Variants in VDR observed in about 807,000 individuals in gnomAD.
The protein encoded by VDR is vitamin D receptor.
VDR carries 19 observed loss-of-function variants against 39.7 expected under a neutral mutation model. The observed-to-expected ratio is 0.48, with a 90% CI of 0.33 to 0.70. The LOEUF is 0.70. Ranked by LOEUF, VDR falls within the 30% of genes least tolerant of loss-of-function variation. VDR has a pLI of 0.02. For missense variants in VDR, 442 were observed against 570.5 expected (o/e 0.77, Z 2.29); for synonymous variants, 242 against 215.8 (o/e 1.12, Z -1.07).
chr12:47,859,866 T>C (rs2283344), intron 4 of VDR, among the ~76,000 whole-genome samples: 1,367 of 50,420 alleles, frequency 0.027, 151 homozygotes, highest in South Asian at 0.069. Context: ...TCCTTCCTTC[T>C]TTCCTTCCTT....
chr12:47,854,190 T>C lies in VDR; in HGVS notation c.755+1440A>G, dbSNP rs891587164. Among the ~76,000 whole-genome samples the C allele has an allele frequency of 2.0e-5, 3 of 152,144 alleles. No individual in the cohort carries two copies. In the East Asian group the frequency reaches 5.8e-4, roughly 29 times the overall value. ...AGGCTGGAGTGCAGTGGTGAAATCATGGATCACTGTAGCCTTGACCTCCTG... is the reference window on the plus strand; with the variant it reads ...AGGCTGGAGTGCAGTGGTGAAATCACGGATCACTGTAGCCTTGACCTCCTG... On this transcript the variant is annotated intron_variant, in intron 7 of 9. Transcript: ENST00000549336.
At chr12:47,855,551 G>A in intron 7 of VDR, 79 bp downstream of exon 7, 1 of 1,530,052 alleles carries the variant, frequency 6.5e-7, no homozygotes, top group Non-Finnish European at 9.0e-7. Context: ...AGAAGTGGTG[G>A]ATGAGTGATC....
intron 1 of VDR, among the ~76,000 whole-genome samples, chr12:47,902,581 G>A (rs1946586328): frequency 6.6e-6 from 1 of 152,174 alleles, no homozygotes; most frequent in Non-Finnish European, 1.5e-5. Flanking sequence ...AAACAGAATT[G>A]CAGCAGGGAC....
Position 47,844,500 on chromosome 12 carries a change from TG to T in VDR, c.*245del, listed in dbSNP as rs1331861013. On this transcript the variant is annotated 3_prime_UTR_variant, in exon 10 of 10. Transcript: ENST00000549336. ...CCAGCCTCTGCCCTCTGCCCCCACT[TG>T]GGTTTCTTTGTCAAACAAACAGCAA... The T allele has an allele frequency of 1.7e-6, 1 of 605,148 alleles. No homozygotes were observed. The highest frequency in any genetic ancestry group is 2.9e-6 in the Non-Finnish European group (1 of 343,848). 37.5% of individuals were successfully genotyped at this position (605,148 alleles called of 1,614,324 possible).
At chr12:47,889,734 G>C (rs1946328594) in intron 1 of VDR, among the ~76,000 whole-genome samples, 1 of 152,230 alleles carries the variant, frequency 6.6e-6, no homozygotes, top group Non-Finnish European at 1.5e-5. Context: ...GGAGAGAGTA[G>C]GTCCAGCCCT....
chr12:47,876,947 T>A (rs1359353125), intron 3 of VDR, among the ~76,000 whole-genome samples: 1 of 151,620 alleles, frequency 6.6e-6, no homozygotes, highest in African/African-American at 2.4e-5. Context: ...GAGGAGAGAG[T>A]GGATTTGGGG....
At chr12:47,884,544 G>A (rs1235294730) in intron 1 of VDR, among the ~76,000 whole-genome samples, 1 of 152,168 alleles carries the variant, frequency 6.6e-6, no homozygotes, top group Non-Finnish European at 1.5e-5. Flanking sequence ...TGGTTTTCCT[G>A]TGTCCTCACT....
chr12:47,854,369 C>T (rs1945442890), intron 7 of VDR, among the ~76,000 whole-genome samples: 3 of 152,268 alleles, frequency 2.0e-5, no homozygotes, highest in Middle Eastern at 6.8e-3. Flanking sequence ...TGAAGCAATC[C>T]TCCTACCTCA....
At chr12:47,860,978 C>G (rs1024512660) in intron 4 of VDR, among the ~76,000 whole-genome samples, 36 of 152,206 alleles carry the variant, frequency 2.4e-4, no homozygotes, top group Admixed American at 2.0e-4. Context: ...TCATGACAAC[C>G]CTTTAAGGCA....
intron 1 of VDR, among the ~76,000 whole-genome samples, chr12:47,892,222 C>A (rs557925367): frequency 2.0e-3 from 300 of 152,336 alleles, no homozygotes; most frequent in South Asian, 6.2e-3. Flanking sequence ...CCAGGCAGCT[C>A]CGGTCCCATG....
rs1235640150 is a variant in VDR at position 47,857,416 on chromosome 12, C to T, written c.462+88G>A. The T allele has an allele frequency of 6.2e-6, 10 of 1,606,744 alleles. No homozygotes were observed. In the East Asian group the frequency reaches 6.7e-5, roughly 11 times the overall value. ...CCTACCCCAGTTCTGTTCAGGATGT[C>T]CCCTGCCCTCTGTCCCTACTCCCTG... On this transcript the variant is annotated intron_variant, in intron 5 of 9. Transcript: ENST00000549336.
intron 3 of VDR, 73 bp downstream of exon 3, chr12:47,878,895 G>A (rs768551137): frequency 5.0e-6 from 8 of 1,610,776 alleles, no homozygotes; most frequent in South Asian, 4.4e-5. Context: ...AAAATGCAAG[G>A]GCTCCCTTCA....
At chr12:47,865,691 G>A (rs985911904) in intron 3 of VDR, among the ~76,000 whole-genome samples, 2 of 150,940 alleles carry the variant, frequency 1.3e-5, no homozygotes, top group African/African-American at 2.4e-5. Context: ...GGGATTACAG[G>A]TGTGAGCCAC....
chr12:47,857,974 G>T (rs571723372), intron 4 of VDR, among the ~76,000 whole-genome samples: 1 of 152,158 alleles, frequency 6.6e-6, no homozygotes, highest in African/African-American at 2.4e-5. Context: ...TGGGACCTTG[G>T]GCAAACTCTC....
In VDR at chr12:47,842,083, G is replaced by A. The variant is rs953584053; in HGVS notation, c.*2663C>T. The A allele has an allele frequency of 6.6e-6, 1 of 152,478 alleles. No homozygotes were observed. Among genetic ancestry groups the A allele is most frequent in the African/African-American group, 2.4e-5 (1 of 41,426 alleles). The allele number at this position is 152,478 out of a possible 1,614,324, so 9.4% of individuals were successfully genotyped here. On this transcript the variant is annotated 3_prime_UTR_variant, in exon 10 of 10. Transcript: ENST00000549336. ...AGGGCTGAGTAACTGATATTTCCAG[G>A]AGTTCCCCGAAGAAGGCAGGGCCAG...
chr12:47,879,264 C>T, intron 2 of VDR, 149 bp from the exon 3 acceptor site: 1 of 961,398 alleles, frequency 1.0e-6, no homozygotes, highest in Non-Finnish European at 1.5e-6. Flanking sequence ...CTCCCCAGGG[C>T]CCAGGCCTGA....
In VDR at chr12:47,842,660, C is replaced by T. The variant is rs532853422; in HGVS notation, c.*2086G>A. ...TTTTTTTTTGTATTTTTAATAGAGA[C>T]AGGGTTTCTCCATGTTGGTCAGGTT... On this transcript the variant is annotated 3_prime_UTR_variant, in exon 10 of 10. Transcript: ENST00000549336. 7.5e-6 allele frequency: 1 copy of T among 132,762 alleles called. No individual in the cohort carries two copies. The allele number at this position is 132,762 out of a possible 1,614,324, so 8.2% of individuals were successfully genotyped here.
chr12:47,862,354 G>A (rs2137159390), intron 4 of VDR, among the ~76,000 whole-genome samples: 1 of 152,220 alleles, frequency 6.6e-6, no homozygotes, highest in East Asian at 1.9e-4. Flanking sequence ...AGGCTGCCTC[G>A]GGTGTGGCCC....
rs17886628 is a variant in VDR at position 47,904,462 on chromosome 12, T to TAAAAA, written c.-84+488_-84+492dup. Reference sequence around the variant, plus strand: ...AACTCATTGGTAGTTCAAAGAAAAGTAAAAAAAAAAAAAAAAAAAAAAAAA... The same window carrying TAAAAA: ...AACTCATTGGTAGTTCAAAGAAAAGTAAAAAAAAAAAAAAAAAAAAAAAAAAAAAA... On this transcript the variant is annotated intron_variant, in intron 1 of 9. Coordinates refer to ENST00000549336, the MANE Select transcript of VDR (RefSeq NM_000376.3). 3,559 of 359,738 alleles carry TAAAAA rather than the reference T, an allele frequency of 9.9e-3. 229 individuals carry two copies. In the African/African-American group the frequency reaches 0.1, roughly 11 times the overall value. The allele number at this position is 359,738 out of a possible 1,614,324, so 22.3% of individuals were successfully genotyped here.
Sources: gnomAD v4.1 joint callset for allele counts (sites outside exome capture counted in the v4.1 genomes callset) on GRCh38, gnomAD v4.1.1 for gene constraint, MANE v1.5 for transcripts, NCBI Gene and HGNC (gene_info 2026-07-23, HGNC 2026-07-21) for gene names.